The following CBX6 variants were observed in gnomAD, a reference collection of about 807,000 sequenced individuals.
CBX6 encodes chromobox 6.
Under a neutral mutation model 28.4 loss-of-function variants are expected in CBX6, and 7 were observed. The ratio of observed to expected loss-of-function variants is 0.25; its 90% CI spans 0.14 to 0.46. The LOEUF is 0.46. Among genes scored for constraint, CBX6 ranks in the 20% least tolerant of loss-of-function variants. CBX6 has a pLI of 0.99. For synonymous variants in CBX6, 297 were observed against 273.4 expected (o/e 1.09, Z -0.85); for missense variants, 512 against 606.1 (o/e 0.84, Z 1.63).
rs1019291471 is a variant in CBX6, at chr22:38,871,974, G to T, written c.70-29C>A. Reference sequence around the variant, plus strand: ...AAAAACAGAGGGGAGAAAAACGGGGGTGGGGGTGGGGAGGATGCGGGGACG... The same window carrying T: ...AAAAACAGAGGGGAGAAAAACGGGGTTGGGGGTGGGGAGGATGCGGGGACG... On this transcript the variant is annotated intron_variant, in intron 1 of 4. Coordinates refer to ENST00000407418, the MANE Select transcript of CBX6 (RefSeq NM_014292.5). This position sits in a 1 kb window ranked among gnomAD's most constrained non-coding sequence, Gnocchi z 5.6. 4.6e-6 allele frequency: 7 copies of T among 1,505,718 alleles called. No individual in the cohort carries two copies. Among genetic ancestry groups the T allele is most frequent in the Non-Finnish European group, 6.2e-6 (7 of 1,122,868 alleles). 93.3% of individuals were successfully genotyped at this position (1,505,718 alleles called of 1,614,324 possible).
chr22:38,866,906 A>G lies in CBX6; in HGVS notation c.542T>C (p.Ile181Thr). 6.3e-7 allele frequency: 1 copy of G among 1,599,472 alleles called. No homozygotes were observed. Among genetic ancestry groups the G allele is most frequent in the Non-Finnish European group, 8.5e-7 (1 of 1,174,190 alleles). Reference sequence around the variant, plus strand: ...GCCCCCGCCGCCAGCGCCCTTGTCGATCACCTTCAGGTTCAGGATGATGCG... The same window carrying G: ...GCCCCCGCCGCCAGCGCCCTTGTCGGTCACCTTCAGGTTCAGGATGATGCG... The part of the protein sequence containing the change: ...RNRIILNLKV[I>T]DKGAGGGGAG... Residue 181 changes from isoleucine to threonine, a missense_variant, in exon 5 of 5, where the codon ATC becomes ACC. Ile to Thr is a moderately conservative substitution (Grantham distance 89). Transcript: ENST00000407418. This position sits in a 1 kb window ranked among gnomAD's most constrained non-coding sequence, Gnocchi z 7.5.
Position 38,866,201 on chromosome 22 carries a change from G to C in CBX6, c.*8C>G. ...CCCCCCCAAGCCCCCCTCCTTGGTG[G>C]AGCCCCCTCACTTGCTCGCCCCAAT... is the stretch of plus-strand genomic sequence containing the variant. On this transcript the variant is annotated 3_prime_UTR_variant, in exon 5 of 5. Coordinates refer to ENST00000407418, the MANE Select transcript of CBX6 (RefSeq NM_014292.5). The surrounding 1 kb of genome is among the most constrained non-coding windows in gnomAD (Gnocchi z 7.5). 1 of 1,586,316 alleles carries C rather than the reference G, an allele frequency of 6.3e-7. No individual in the cohort carries two copies. Among genetic ancestry groups the C allele is most frequent in the South Asian group, 1.1e-5 (1 of 88,526 alleles).
At position 38,871,475 on chromosome 22, in the gene CBX6, G is replaced by A. The variant is rs779924061; in HGVS notation, c.246+5C>T. 3.7e-6 allele frequency: 6 copies of A among 1,609,162 alleles called. No individual in the cohort carries two copies. The highest frequency in any genetic ancestry group is 5.1e-6 in the Non-Finnish European group (6 of 1,177,826). ...GGGGATGCTGCTGGGGCTGGGCCAG[G>A]TTACCTTCAGGAGGAAAGTTTTGGG... is the stretch of plus-strand genomic sequence containing the variant. On this transcript the variant is annotated splice_donor_5th_base_variant and intron_variant, in intron 4 of 4. Coordinates refer to ENST00000407418, the MANE Select transcript of CBX6 (RefSeq NM_014292.5). The surrounding 1 kb of genome is among the most constrained non-coding windows in gnomAD (Gnocchi z 5.6).
rs768358191 is a variant in CBX6, at chr22:38,867,108, C to G, written c.340G>C (p.Ala114Pro). The G allele has an allele frequency of 6.3e-7, 1 of 1,591,788 alleles. No homozygotes were observed. The highest frequency in any genetic ancestry group is 1.3e-5 in the African/African-American group (1 of 74,500). Reference protein sequence around the residue: ...SASSPKLHSSAAVHRLKKDIR... With the variant: ...SASSPKLHSSPAVHRLKKDIR... ...TCCTTCTTGAGCCGGTGCACGGCTG[C>G]GCTGGAGTGCAGCTTGGGCGAGGAG... Residue 114 changes from alanine (A) to proline (P), a missense_variant, in exon 5 of 5, where the codon GCA becomes CCA. Around this residue, in one of 7 missense-constraint regions of CBX6, gnomAD observed 123 missense variants for 138.1 expected, o/e 0.89. Transcript: ENST00000407418.
chr22:38,866,619 C>A lies in CBX6; in HGVS notation c.829G>T (p.Gly277Cys), dbSNP rs768569312. The change falls in exon 5 of 5, where the codon GGC becomes TGC. Residue 277 changes from glycine (G) to cysteine (C), a missense_variant. Physicochemically the swap from Gly to Cys is radical, Grantham distance 159. Transcript: ENST00000407418. The surrounding 1 kb of genome is among the most constrained non-coding windows in gnomAD (Gnocchi z 7.5). ...PYDARSSGSS[G>C]CPSPTPQSSD... The stretch of plus-strand genomic sequence containing the variant: ...GACTGTGGTGTAGGCGAGGGGCAGC[C>A]GGAGGAGCCAGAGCTGCGGGCGTCG... 1 of 1,385,804 alleles carries A rather than the reference C, an allele frequency of 7.2e-7. No individual in the cohort carries two copies. The highest frequency in any genetic ancestry group is 1.3e-5 in the South Asian group (1 of 74,546). 85.8% of individuals were successfully genotyped at this position (1,385,804 alleles called of 1,614,324 possible).
Position 38,872,031 on chromosome 22 carries a change from G to T in CBX6, c.70-86C>A. ...GGCGGCGGCGCGGGGCTGGGCGAGG[G>T]AGCCGGGCTAGCGGGACCGCTTCGC... On this transcript the variant is annotated intron_variant, in intron 1 of 4. Transcript: ENST00000407418. This position sits in a 1 kb window ranked among gnomAD's most constrained non-coding sequence, Gnocchi z 5.0. 1 of 1,385,942 alleles carries T rather than the reference G, an allele frequency of 7.2e-7. No individual in the cohort carries two copies. The allele number at this position is 1,385,942 out of a possible 1,614,324, so 85.9% of individuals were successfully genotyped here. A position where few individuals can be genotyped will look rare whatever the true frequency, so the allele number is the denominator to read the frequency against.
chr22:38,866,490 C>CGGGA lies in CBX6; in HGVS notation c.954_957dup (p.Glu320SerfsTer13). 6.3e-7 allele frequency: 1 copy of CGGGA among 1,595,102 alleles called. No individual in the cohort carries two copies. Among genetic ancestry groups the CGGGA allele is most frequent in the Non-Finnish European group, 8.5e-7 (1 of 1,175,546 alleles). Reference sequence around the variant, plus strand: ...GCCCGCTTGCTGGTGGCTGCCGACTCGGGAGGGAGGGACAGGTCGAGCACC... The same window carrying CGGGA: ...GCCCGCTTGCTGGTGGCTGCCGACTCGGGAGGGAGGGAGGGACAGGTCGAGCACC... On this transcript the variant is annotated frameshift_variant, in exon 5 of 5. Coordinates refer to ENST00000407418, the MANE Select transcript of CBX6 (RefSeq NM_014292.5). LOFTEE classifies it high-confidence loss of function. This position sits in a 1 kb window ranked among gnomAD's most constrained non-coding sequence, Gnocchi z 7.5.
At chr22:38,869,313 A>C (rs551769016) in intron 4 of CBX6, among the ~76,000 whole-genome samples, 2 of 152,100 alleles carry the variant, frequency 1.3e-5, no homozygotes, top group African/African-American at 4.8e-5. Flanking sequence ...AGTGTGGGCA[A>C]ATGGCAGGCC....
At position 38,866,403 on chromosome 22, in the gene CBX6, C is replaced by A. The variant is rs1469034996; in HGVS notation, c.1045G>T (p.Ala349Ser). 4 of 1,612,634 alleles carry A rather than the reference C, an allele frequency of 2.5e-6. No homozygotes were observed. The highest frequency in any genetic ancestry group is 3.4e-6 in the Non-Finnish European group (4 of 1,179,838). ...APPTAPEPAG[A>S]SSEPEAGDWR... The stretch of plus-strand genomic sequence containing the variant: ...TCCCCAGCCTCGGGCTCGGAGGAGG[C>A]ACCGGCGGGCTCAGGGGCCGTGGGA... Residue 349 changes from alanine to serine, a missense_variant, in exon 5 of 5, where the codon GCC (alanine) becomes TCC (serine). Physicochemically the swap from Ala to Ser is moderately conservative, Grantham distance 99 (BLOSUM62 1). Transcript: ENST00000407418. The surrounding 1 kb of genome is among the most constrained non-coding windows in gnomAD (Gnocchi z 7.5).
Position 38,866,711 on chromosome 22 carries a change from G to T in CBX6, c.737C>A (p.Ser246Tyr). The T allele has an allele frequency of 6.4e-7, 1 of 1,572,628 alleles. No homozygotes were observed. The highest frequency in any genetic ancestry group is 8.6e-7 in the Non-Finnish European group (1 of 1,159,208). ...KPPPAPLVAP[S>Y]PGKAEASAPG... ...GGCTGAGGCCTCAGCCTTGCCGGGG[G>T]ACGGGGCTACCAGGGGGGCGGGCGG... Residue 246 changes from serine (S) to tyrosine (Y), a missense_variant, in exon 5 of 5, where the codon TCC becomes TAC. Ser to Tyr is a moderately radical substitution (Grantham distance 144). Around this residue, in one of 7 missense-constraint regions of CBX6, gnomAD observed 290 missense variants for 274.1 expected, o/e 1.06. Coordinates refer to ENST00000407418, the MANE Select transcript of CBX6 (RefSeq NM_014292.5). The surrounding 1 kb of genome is among the most constrained non-coding windows in gnomAD (Gnocchi z 7.5).
Position 38,871,351 on chromosome 22 carries a change from C to T in CBX6, c.246+129G>A. ...GGGGGGCTCACAACCACCCCCTGCC[C>T]AGCTGGGGCCCCTCTGAAAAGGCCG... On this transcript the variant is annotated intron_variant, in intron 4 of 4. Coordinates refer to ENST00000407418, the MANE Select transcript of CBX6 (RefSeq NM_014292.5). This position sits in a 1 kb window ranked among gnomAD's most constrained non-coding sequence, Gnocchi z 5.6. 1.1e-6 allele frequency: 1 copy of T among 879,168 alleles called. No individual in the cohort carries two copies. Among genetic ancestry groups the T allele is most frequent in the Non-Finnish European group, 1.8e-6 (1 of 566,822 alleles). The allele number at this position is 879,168 out of a possible 1,614,324, so 54.5% of individuals were successfully genotyped here.
intron 4 of CBX6, among the ~76,000 whole-genome samples, chr22:38,868,461 A>G (rs2093175506): frequency 1.3e-5 from 2 of 152,240 alleles, no homozygotes; most frequent in South Asian, 4.1e-4. Context: ...CACCCCAGAC[A>G]GTTCCAGAGG....
rs994111689 is a variant in CBX6, at chr22:38,861,827, C to G, written c.*4382G>C. On this transcript the variant is annotated 3_prime_UTR_variant, in exon 5 of 5. Coordinates refer to ENST00000407418, the MANE Select transcript of CBX6 (RefSeq NM_014292.5). ...ACCACATACAAAGGCAACAACACTT[C>G]ATTTTAAAAATGAGAGAAAAAAGAG... 1 of 152,134 alleles carries G rather than the reference C, an allele frequency of 6.6e-6. No individual in the cohort carries two copies. Among genetic ancestry groups the G allele is most frequent in the Non-Finnish European group, 1.5e-5 (1 of 68,042 alleles). The allele number at this position is 152,134 out of a possible 1,614,324, so 9.4% of individuals were successfully genotyped here.
rs925193886 is a variant in CBX6 at position 38,870,180 on chromosome 22, G to A, written c.246+1300C>T. The A allele has an allele frequency of 2.0e-5, 3 of 152,212 alleles. No individual in the cohort carries two copies. Among genetic ancestry groups the A allele is most frequent in the African/African-American group, 7.2e-5 (3 of 41,446 alleles). 9.4% of individuals were successfully genotyped at this position (152,212 alleles called of 1,614,324 possible). ...GGAGACAGGATGAAGCCAGGAAGCT[G>A]GACCTCGGGTAAGTCACTTTCCCTT... On this transcript the variant is annotated intron_variant, in intron 4 of 4. Coordinates refer to ENST00000407418, the MANE Select transcript of CBX6 (RefSeq NM_014292.5). The surrounding 1 kb of genome is among the most constrained non-coding windows in gnomAD (Gnocchi z 4.3).
Position 38,866,054 on chromosome 22 carries a change from C to T in CBX6, c.*155G>A. Reference sequence around the variant, plus strand: ...GGCCCCTACCCCCGGCTTTCTGGGACCCCAACTACCCAGCCCCATCCCTGG... The same window carrying T: ...GGCCCCTACCCCCGGCTTTCTGGGATCCCAACTACCCAGCCCCATCCCTGG... On this transcript the variant is annotated 3_prime_UTR_variant, in exon 5 of 5. Transcript: ENST00000407418. The surrounding 1 kb of genome is among the most constrained non-coding windows in gnomAD (Gnocchi z 7.5). 1 of 662,230 alleles carries T rather than the reference C, an allele frequency of 1.5e-6. No individual in the cohort carries two copies. Among genetic ancestry groups the T allele is most frequent in the Non-Finnish European group, 2.5e-6 (1 of 394,604 alleles). 41.0% of individuals were successfully genotyped at this position (662,230 alleles called of 1,614,324 possible). A position where few individuals can be genotyped will look rare whatever the true frequency, so the allele number is the denominator to read the frequency against.
rs751569177 is a variant in CBX6, at chr22:38,866,283, C to G, written c.1165G>C (p.Glu389Gln). 1.8e-5 allele frequency: 29 copies of G among 1,613,852 alleles called. No individual in the cohort carries two copies. The South Asian group carries it at 3.2e-4, about 18-fold the overall frequency. Residue 389 changes from glutamate (E) to glutamine (Q), a missense_variant, in exon 5 of 5, where the codon GAG becomes CAG. Glu to Gln is a conservative substitution (Grantham distance 29). Transcript: ENST00000407418. The surrounding 1 kb of genome is among the most constrained non-coding windows in gnomAD (Gnocchi z 7.5). Reference protein sequence around the residue: ...TVTIKEFCNPEDFEKVAAGVA... With the variant: ...TVTIKEFCNPQDFEKVAAGVA... ...CCAGCAGCCACCTTCTCGAAATCCT[C>G]AGGGTTGCAGAATTCCTTGATTGTG...
At position 38,871,639 on chromosome 22, in the gene CBX6, GCC is replaced by G; in HGVS notation, c.179+51_179+52del. On this transcript the variant is annotated intron_variant, in intron 3 of 4. Transcript: ENST00000407418. This position sits in a 1 kb window ranked among gnomAD's most constrained non-coding sequence, Gnocchi z 5.6. ...CGGCTCTCCCGCTTCCCCGCGCGGC[GCC>G]CCAGCCGAGCCTCGGCCTCGCAGCC... is the stretch of plus-strand genomic sequence containing the variant. The G allele has an allele frequency of 6.2e-7, 1 of 1,610,146 alleles. No individual in the cohort carries two copies. The highest frequency in any genetic ancestry group is 1.1e-5 in the South Asian group (1 of 90,942).
At chr22:38,867,245 C>T (rs1011890451) in intron 4 of CBX6, 44 bp from the exon 5 acceptor site, 11 of 1,506,710 alleles carry the variant, frequency 7.3e-6, no homozygotes, top group East Asian at 2.5e-5. Flanking sequence ...GGACTGCCCG[C>T]TGACCTCCCC....
chr22:38,867,241 C>T (rs1034798968), intron 4 of CBX6, 40 bp from the exon 5 acceptor site: 1 of 1,511,448 alleles, frequency 6.6e-7, no homozygotes, highest in East Asian at 2.5e-5. Context: ...CTCAGGACTG[C>T]CCGCTGACCT....
Sources: gnomAD v4.1 joint callset for allele counts (sites outside exome capture counted in the v4.1 genomes callset) on GRCh38, gnomAD v4.1.1 for gene constraint, gnomAD v4.1.1 regional missense constraint, Gnocchi (gnomAD v3.1) non-coding constraint, MANE v1.5 for transcripts, NCBI Gene and HGNC (gene_info 2026-07-23, HGNC 2026-07-21) for gene names.